The following L3MBTL2 variants were observed in gnomAD, a reference collection of about 807,000 sequenced individuals.
L3MBTL2 encodes L3MBTL histone methyl-lysine binding protein 2.
Under a neutral mutation model 86.4 loss-of-function variants are expected in L3MBTL2, and 49 were observed. That is an observed-to-expected ratio of 0.57 (90% CI 0.45 to 0.72). The LOEUF (loss-of-function observed/expected upper bound fraction) is 0.72, where lower values mean the gene tolerates loss of function less well. L3MBTL2 is among the 30% of genes least tolerant of loss of function. The pLI, the probability that L3MBTL2 is intolerant of heterozygous loss-of-function variation, is 0.00. For synonymous variants in L3MBTL2, 336 were observed against 350.6 expected (o/e 0.96, Z 0.47); for missense variants, 755 against 923.7 (o/e 0.82, Z 2.37).
At position 41,205,795 on chromosome 22, in the gene L3MBTL2, C is replaced by T. The variant is rs543254975; in HGVS notation, c.24+409C>T. On this transcript the variant is annotated intron_variant, in intron 1 of 16. Transcript: ENST00000216237. ...TGTAACGTTCACGTGCATTATCTTC[C>T]AGTACACTCACAGCAATCATGTATT... 2.8e-4 allele frequency among the ~76,000 whole-genome samples: 42 copies of T among 152,220 alleles called. 1 individual carries two copies. In the South Asian group the frequency reaches 5.4e-3, roughly 20 times the overall value.
chr22:41,211,563 T>TTTTTTTTTTTTTTC, intron 2 of L3MBTL2, among the ~76,000 whole-genome samples: 1 of 138,126 alleles, frequency 7.2e-6, no homozygotes, highest in African/African-American at 2.8e-5. Flanking sequence ...TTTCCTTTTT[T>TTTTTTTTTTTTTTC]TTTTTTTTTT....
At chr22:41,205,472 G>T in intron 1 of L3MBTL2, 86 bp downstream of exon 1, 1 of 1,483,548 alleles carries the variant, frequency 6.7e-7, no homozygotes, top group Non-Finnish European at 9.4e-7. Context: ...TTTTAGCGAC[G>T]CCTGGAGGGT....
chr22:41,218,421 G>C (rs1190288618), intron 5 of L3MBTL2: 1 of 152,128 alleles, frequency 6.6e-6, no homozygotes, highest in African/African-American at 2.4e-5. Flanking sequence ...GCCGAGACAG[G>C]AGAATCCCTT....
rs1315103508 is a variant in L3MBTL2, at chr22:41,205,369, A to G, written c.7A>G (p.Lys3Glu). The G allele has an allele frequency of 6.2e-7, 1 of 1,614,106 alleles. No homozygotes were observed. The highest frequency in any genetic ancestry group is 2.2e-5 in the East Asian group (1 of 44,882). Reference sequence around the variant, plus strand: ...TTGGCGAAACTGAGGTCTCATGGAGAAGCCCCGGAGTATTGAGGTGAGAAG... The same window carrying G: ...TTGGCGAAACTGAGGTCTCATGGAGGAGCCCCGGAGTATTGAGGTGAGAAG... ME[K>E]PRSIEETPSS... is the part of the protein sequence containing the mutation. The change falls in exon 1 of 17, where the codon AAG becomes GAG. Residue 3 changes from lysine to glutamate, a missense_variant. This residue lies in a region of L3MBTL2 where 103 missense variants were observed against 105.2 expected (regional missense o/e 0.98). Transcript: ENST00000216237.
Position 41,229,548 on chromosome 22 carries a change from A to G in L3MBTL2, c.1897A>G (p.Ile633Val). 6.2e-7 allele frequency: 1 copy of G among 1,610,574 alleles called. No individual in the cohort carries two copies. The highest frequency in any genetic ancestry group is 8.5e-7 in the Non-Finnish European group (1 of 1,177,330). Residue 633 changes from isoleucine (I) to valine (V), a missense_variant, in exon 16 of 17, where the codon ATC becomes GTC. Coordinates refer to ENST00000216237, the MANE Select transcript of L3MBTL2 (RefSeq NM_031488.5). The stretch of plus-strand genomic sequence containing the variant: ...TCCATTTTTATTCAAAGGGAAAAGA[A>G]TCCCGCCCACTAAGACGCGACCCCT... ...KKQFGKKRKRIPPTKTRPLRQ... is the reference protein window; with the variant it reads ...KKQFGKKRKRVPPTKTRPLRQ...
intron 2 of L3MBTL2, among the ~76,000 whole-genome samples, chr22:41,211,557 C>CTTTCTTTTTTTTTTTTTTTTTTTT (rs1039028243): frequency 1.0e-5 from 1 of 97,392 alleles, no homozygotes; most frequent in Non-Finnish European, 2.0e-5. Flanking sequence ...ATCTTATTTC[C>CTTTCTTTTTTTTTTTTTTTTTTTT]TTTTTTTTTT....
rs1421697181 is a variant in L3MBTL2, at chr22:41,227,226, C to G, written c.1725C>G (p.Ser575Arg). 1.9e-6 allele frequency: 3 copies of G among 1,613,216 alleles called. No homozygotes were observed. The highest frequency in any genetic ancestry group is 2.5e-6 in the Non-Finnish European group (3 of 1,179,974). Reference sequence around the variant, plus strand: ...GCATCCACTTTGACGGCTGGGACAGCGAGTACGACCAGTGGGTGGACTGCG... The same window carrying G: ...GCATCCACTTTGACGGCTGGGACAGGGAGTACGACCAGTGGGTGGACTGCG... ...LLSIHFDGWD[S>R]EYDQWVDCES... is the part of the protein sequence containing the mutation. The change falls in exon 14 of 17, where the codon AGC becomes AGG. Residue 575 changes from serine (S) to arginine (R), a missense_variant. By Grantham distance (110) the Ser-to-Arg change is moderately radical. Transcript: ENST00000216237. The surrounding 1 kb of genome is among the most constrained non-coding windows in gnomAD (Gnocchi z 6.0).
chr22:41,216,373 T>A (rs1399974141), intron 4 of L3MBTL2, 111 bp downstream of exon 4: 1 of 1,366,824 alleles, frequency 7.3e-7, no homozygotes, highest in African/African-American at 1.5e-5. Flanking sequence ...AGGTAGAAAG[T>A]GCCCTAAGTC....
At chr22:41,210,920 T>G (rs1194287278) in intron 2 of L3MBTL2, among the ~76,000 whole-genome samples, 1 of 152,150 alleles carries the variant, frequency 6.6e-6, no homozygotes, top group Non-Finnish European at 1.5e-5. Flanking sequence ...AAACCTAAAG[T>G]GTTTTGGTTA....
chr22:41,210,913 C>T (rs903147040), intron 2 of L3MBTL2, among the ~76,000 whole-genome samples: 3 of 152,024 alleles, frequency 2.0e-5, no homozygotes, highest in South Asian at 4.1e-4. Flanking sequence ...AGATAGGAAA[C>T]CTAAAGTGTT....
chr22:41,230,307 C>A lies in L3MBTL2; in HGVS notation c.*56C>A. 2 of 1,246,840 alleles carry A rather than the reference C, an allele frequency of 1.6e-6. No individual in the cohort carries two copies. Among genetic ancestry groups the A allele is most frequent in the Non-Finnish European group, 2.4e-6 (2 of 851,028 alleles). The allele number at this position is 1,246,840 out of a possible 1,614,324, so 77.2% of individuals were successfully genotyped here. ...GGAAGCCAGCCCAGCGTTTCTCTAC[C>A]ACCACCACCATGCCTCCACCTGACT... On this transcript the variant is annotated 3_prime_UTR_variant, in exon 17 of 17. Coordinates refer to ENST00000216237, the MANE Select transcript of L3MBTL2 (RefSeq NM_031488.5).
At position 41,227,059 on chromosome 22, in the gene L3MBTL2, C is replaced by T. The variant is rs915181904; in HGVS notation, c.1588-30C>T. 2.2e-5 allele frequency: 34 copies of T among 1,568,622 alleles called. No homozygotes were observed. Among genetic ancestry groups the T allele is most frequent in the Non-Finnish European group, 2.3e-5 (26 of 1,154,742 alleles). On this transcript the variant is annotated intron_variant, in intron 13 of 16. Coordinates refer to ENST00000216237, the MANE Select transcript of L3MBTL2 (RefSeq NM_031488.5). The surrounding 1 kb of genome is among the most constrained non-coding windows in gnomAD (Gnocchi z 6.0). ...CCTGCTGGGGTAGGGAGCTGACTGGCTTGGCCACTGCCTCCTTTTTCTGCC... is the reference window on the plus strand; with the variant it reads ...CCTGCTGGGGTAGGGAGCTGACTGGTTTGGCCACTGCCTCCTTTTTCTGCC...
Position 41,205,348 on chromosome 22 carries a change from C to G in L3MBTL2, c.-15C>G. On this transcript the variant is annotated 5_prime_UTR_variant, in exon 1 of 17. Coordinates refer to ENST00000216237, the MANE Select transcript of L3MBTL2 (RefSeq NM_031488.5). ...GCTTCCTGCACCTGGTGACGCTTGG[C>G]GAAACTGAGGTCTCATGGAGAAGCC... The G allele has an allele frequency of 6.2e-7, 1 of 1,614,074 alleles. No individual in the cohort carries two copies. The highest frequency in any genetic ancestry group is 8.5e-7 in the Non-Finnish European group (1 of 1,180,002).
At chr22:41,210,138 A>T in intron 2 of L3MBTL2, 1 of 389,034 alleles carries the variant, frequency 2.6e-6, no homozygotes, top group East Asian at 4.5e-5. Flanking sequence ...GCTGAAGTCT[A>T]ATTTCTTTTT....
chr22:41,230,509 A>G lies in L3MBTL2; in HGVS notation c.*258A>G. ...AACTCGTCTGTGAACCACCTTTTCC[A>G]GCCAGAGTTCCCAAAGCTGGAACGC... On this transcript the variant is annotated 3_prime_UTR_variant, in exon 17 of 17. Coordinates refer to ENST00000216237, the MANE Select transcript of L3MBTL2 (RefSeq NM_031488.5). The G allele has an allele frequency of 2.1e-6, 1 of 471,946 alleles. No homozygotes were observed. The highest frequency in any genetic ancestry group is 3.8e-6 in the Non-Finnish European group (1 of 264,248). The allele number at this position is 471,946 out of a possible 1,614,324, so 29.2% of individuals were successfully genotyped here. A position where few individuals can be genotyped will look rare whatever the true frequency, so the allele number is the denominator to read the frequency against.
intron 6 of L3MBTL2, among the ~76,000 whole-genome samples, chr22:41,220,031 C>G (rs1399057517): frequency 6.6e-6 from 1 of 152,134 alleles, no homozygotes; most frequent in Non-Finnish European, 1.5e-5. Flanking sequence ...GCCACCGTGC[C>G]TGGCTGGAAA....
At chr22:41,220,385 C>G (rs2031720472) in intron 6 of L3MBTL2, among the ~76,000 whole-genome samples, 1 of 151,962 alleles carries the variant, frequency 6.6e-6, no homozygotes. Flanking sequence ...AAAGAGAAGG[C>G]TTAAGAACAT....
rs1302136239 is a variant in L3MBTL2 at position 41,230,966 on chromosome 22, G to A, written c.*715G>A. 6.6e-6 allele frequency: 1 copy of A among 152,220 alleles called. No homozygotes were observed. The highest frequency in any genetic ancestry group is 2.4e-5 in the African/African-American group (1 of 41,450). The allele number at this position is 152,220 out of a possible 1,614,324, so 9.4% of individuals were successfully genotyped here. A position where few individuals can be genotyped will look rare whatever the true frequency, so the allele number is the denominator to read the frequency against. ...ATGCCCCCGGGGAGGACATTGGGAGGAAGATGGCCTGAGTGTGCACTTTGG... is the reference window on the plus strand; with the variant it reads ...ATGCCCCCGGGGAGGACATTGGGAGAAAGATGGCCTGAGTGTGCACTTTGG... On this transcript the variant is annotated 3_prime_UTR_variant, in exon 17 of 17. Coordinates refer to ENST00000216237, the MANE Select transcript of L3MBTL2 (RefSeq NM_031488.5).
Position 41,225,679 on chromosome 22 carries a change from T to C in L3MBTL2, c.1357-115T>C, listed in dbSNP as rs1473232365. On this transcript the variant is annotated intron_variant, in intron 11 of 16. Coordinates refer to ENST00000216237, the MANE Select transcript of L3MBTL2 (RefSeq NM_031488.5). The surrounding 1 kb of genome is among the most constrained non-coding windows in gnomAD (Gnocchi z 4.1). ...GCTCAGGTGTCCTCCAGGAGGGCCA[T>C]GCCCTAGATCCGTTTGGATCCATTT... 5.5e-6 allele frequency: 6 copies of C among 1,088,174 alleles called. No individual in the cohort carries two copies. Among genetic ancestry groups the C allele is most frequent in the South Asian group, 5.0e-5 (3 of 60,174 alleles). 67.4% of individuals were successfully genotyped at this position (1,088,174 alleles called of 1,614,324 possible). A position where few individuals can be genotyped will look rare whatever the true frequency, so the allele number is the denominator to read the frequency against.
Sources: allele counts gnomAD v4.1 joint callset (sites outside exome capture counted in the v4.1 genomes callset), GRCh38; gene constraint gnomAD v4.1.1; regional missense constraint gnomAD v4.1.1; non-coding constraint Gnocchi (gnomAD v3.1); transcripts MANE v1.5; gene names NCBI Gene and HGNC (gene_info 2026-07-23, HGNC 2026-07-21).